The following BBS9 variants were observed in gnomAD, a reference collection of about 807,000 sequenced individuals.
The protein encoded by BBS9 is Bardet-Biedl syndrome 9.
Under a neutral mutation model 117.7 loss-of-function variants are expected in BBS9, and 89 were observed. The ratio of observed to expected loss-of-function variants is 0.76; its 90% CI spans 0.64 to 0.90. BBS9 has a LOEUF of 0.90. Among genes scored for constraint, BBS9 ranks in the 40% least tolerant of loss-of-function variants. The pLI, the probability that BBS9 is intolerant of heterozygous loss-of-function variation, is 0.00. For synonymous variants in BBS9, 379 were observed against 370.9 expected, an observed-to-expected ratio of 1.02 and a Z score of -0.25; for missense variants, 982 against 1,042.2, an observed-to-expected ratio of 0.94 and a Z score of 0.80.
At chr7:33,233,857 A>G (rs931135226) in intron 5 of BBS9, among the ~76,000 whole-genome samples, 7 of 152,276 alleles carry the variant, frequency 4.6e-5, no homozygotes, top group Middle Eastern at 3.4e-3. Flanking sequence ...TTCTATTTAC[A>G]GTAGTCCCCT....
chr7:33,485,314 T>TTA (rs947849936), intron 19 of BBS9, among the ~76,000 whole-genome samples: 6 of 150,070 alleles, frequency 4.0e-5, no homozygotes, highest in African/African-American at 9.8e-5. Context: ...AAAAGTTTTT[T>TTA]TTTTTTTTTT....
At chr7:33,204,724 A>T (rs1178951992) in intron 5 of BBS9, among the ~76,000 whole-genome samples, 1 of 152,186 alleles carries the variant, frequency 6.6e-6, no homozygotes, top group Non-Finnish European at 1.5e-5. Flanking sequence ...CCAAAGTTGC[A>T]TGTAGCCATC....
chr7:33,454,297 CAGT>C (rs1360935269), intron 19 of BBS9, among the ~76,000 whole-genome samples: 1 of 152,082 alleles, frequency 6.6e-6, no homozygotes, highest in Non-Finnish European at 1.5e-5. Context: ...GTTTTTAATC[CAGT>C]AGTTTCTATT....
At chr7:33,619,860 G>T (rs1865320061) in intron 21 of BBS9, among the ~76,000 whole-genome samples, 1 of 152,058 alleles carries the variant, frequency 6.6e-6, no homozygotes, top group African/African-American at 2.4e-5. Context: ...GCAGTTCTAA[G>T]AGGAAAGTTT....
chr7:33,632,376 G>C (rs1865931891), intron 21 of BBS9, among the ~76,000 whole-genome samples: 1 of 152,186 alleles, frequency 6.6e-6, no homozygotes, highest in Non-Finnish European at 1.5e-5. Flanking sequence ...GAATGGAAAG[G>C]CTTTGTTTGC....
intron 17 of BBS9, chr7:33,380,553 G>A (rs1824806283): frequency 2.0e-5 from 3 of 152,318 alleles, no homozygotes; most frequent in Admixed American, 1.3e-4. Flanking sequence ...GGCCTCTATG[G>A]GGGACACCAC....
At chr7:33,216,601 A>T (rs906232250) in intron 5 of BBS9, among the ~76,000 whole-genome samples, 3 of 152,192 alleles carry the variant, frequency 2.0e-5, no homozygotes, top group South Asian at 2.1e-4. Context: ...CTCATTGAAA[A>T]TCAGTTATAG....
intron 21 of BBS9, 83 bp downstream of exon 21, chr7:33,534,259 T>A: frequency 7.1e-7 from 1 of 1,400,078 alleles, no homozygotes; most frequent in Non-Finnish European, 9.9e-7. Flanking sequence ...ATTTGGGGTT[T>A]AAATTTCATA....
At chr7:33,506,683 A>G (rs1193891898) in intron 20 of BBS9, among the ~76,000 whole-genome samples, 1 of 152,204 alleles carries the variant, frequency 6.6e-6, no homozygotes, top group Non-Finnish European at 1.5e-5. Flanking sequence ...GCTGAATTGA[A>G]TATTCTACAG....
chr7:33,605,037 G>T (rs1437824579), intron 22 of BBS9, 62 bp downstream of exon 22: 1 of 1,508,166 alleles, frequency 6.6e-7, no homozygotes, highest in South Asian at 1.1e-5. Flanking sequence ...AATCTGGTCA[G>T]TTTTTGTCAT....
chr7:33,207,363 T>A (rs1000804662), intron 5 of BBS9, among the ~76,000 whole-genome samples: 4 of 152,164 alleles, frequency 2.6e-5, no homozygotes, highest in African/African-American at 9.7e-5. Flanking sequence ...AAGCAGTAGA[T>A]CTTTCTTCTC....
At chr7:33,596,641 T>A (rs549873281) in intron 21 of BBS9, among the ~76,000 whole-genome samples, 1 of 152,320 alleles carries the variant, frequency 6.6e-6, no homozygotes, top group Admixed American at 6.5e-5. Context: ...TCTTCCTCGC[T>A]ATACCTCCTA....
intron 9 of BBS9, among the ~76,000 whole-genome samples, chr7:33,328,993 TTTTA>T (rs35454084): frequency 0.17 from 25,357 of 145,302 alleles, 2,322 homozygotes; most frequent in East Asian, 0.27. Flanking sequence ...GTTTTCCTTC[TTTTA>T]TTTATTTATT....
intron 19 of BBS9, among the ~76,000 whole-genome samples, chr7:33,444,306 CTATT>C (rs1563185197): frequency 6.6e-6 from 1 of 152,074 alleles, no homozygotes; most frequent in Non-Finnish European, 1.5e-5. Flanking sequence ...AACGGTAACT[CTATT>C]AGGGAGATAA....
chr7:33,451,123 C>T (rs919182617), intron 19 of BBS9, among the ~76,000 whole-genome samples: 7 of 151,968 alleles, frequency 4.6e-5, no homozygotes, highest in Non-Finnish European at 7.4e-5. Context: ...CTCCTGACCT[C>T]GTGATCTGCC....
chr7:33,203,203 A>C (rs1786221297), intron 5 of BBS9, among the ~76,000 whole-genome samples: 1 of 152,224 alleles, frequency 6.6e-6, no homozygotes, highest in South Asian at 2.1e-4. Flanking sequence ...ATGCTGGCTG[A>C]TAAAAACTAC....
intron 20 of BBS9, among the ~76,000 whole-genome samples, chr7:33,510,167 A>G (rs1469789895): frequency 6.6e-6 from 1 of 152,112 alleles, no homozygotes; most frequent in African/African-American, 2.4e-5. Context: ...AAGAAGTGTC[A>G]CCCAAAATAA....
intron 20 of BBS9, among the ~76,000 whole-genome samples, chr7:33,514,929 A>G (rs1847513534): frequency 1.3e-5 from 2 of 152,234 alleles, no homozygotes; most frequent in Admixed American, 6.5e-5. Flanking sequence ...AAAGGTGTGC[A>G]TGTTTCACGA....
chr7:33,560,528 A>G (rs976762017), intron 21 of BBS9, among the ~76,000 whole-genome samples: 1 of 152,152 alleles, frequency 6.6e-6, no homozygotes, highest in East Asian at 1.9e-4. Flanking sequence ...GTGCTTTGAG[A>G]ATTGCTTTTA....
Sources: allele counts gnomAD v4.1 joint callset (sites outside exome capture counted in the v4.1 genomes callset), GRCh38; gene constraint gnomAD v4.1.1; transcripts MANE v1.5; gene names NCBI Gene and HGNC (gene_info 2026-07-23, HGNC 2026-07-21).